The following ADGRL2 variants were observed in gnomAD, a reference collection of about 807,000 sequenced individuals.
ADGRL2 encodes the protein adhesion G protein-coupled receptor L2.
A neutral mutation model predicts 157.4 loss-of-function variants in ADGRL2; 44 were observed. That is an observed-to-expected ratio of 0.28 (90% CI 0.22 to 0.36). The LOEUF (loss-of-function observed/expected upper bound fraction) is 0.36. Ranked by LOEUF, ADGRL2 falls within the 10% of genes least tolerant of loss-of-function variation. The pLI is 1.00. For missense variants in ADGRL2, 1,510 were observed against 1,768.9 expected (o/e 0.85, Z 2.63); for synonymous variants, 585 against 624.7 (o/e 0.94, Z 0.95).
At chr1:81,846,149 T>A (rs1242560735) in intron 2 of ADGRL2, among the ~76,000 whole-genome samples, 1 of 151,724 alleles carries the variant, frequency 6.6e-6, no homozygotes, top group Non-Finnish European at 1.5e-5. Flanking sequence ...ACACAGTAGT[T>A]GAAGTTTGGA....
chr1:81,948,859 G>A (rs991232642), intron 6 of ADGRL2, among the ~76,000 whole-genome samples: 1 of 152,126 alleles, frequency 6.6e-6, no homozygotes, highest in African/African-American at 2.4e-5. Flanking sequence ...AACGTGTATA[G>A]TGTACTTACT....
At chr1:81,531,604 G>T (rs114536825) in intron 2 of ADGRL2, among the ~76,000 whole-genome samples, 3,013 of 152,194 alleles carry the variant, frequency 0.02, 96 homozygotes, top group African/African-American at 0.069. Flanking sequence ...GGGAACCCAC[G>T]TCTTAATGAG....
At chr1:81,821,698 C>A (rs1319851657) in intron 1 of ADGRL2, among the ~76,000 whole-genome samples, 1 of 152,096 alleles carries the variant, frequency 6.6e-6, no homozygotes, top group African/African-American at 2.4e-5. Context: ...AATGCCGGAA[C>A]AATTTCTTAT....
intron 2 of ADGRL2, among the ~76,000 whole-genome samples, chr1:81,880,886 A>G (rs2093970278): frequency 6.6e-6 from 1 of 151,754 alleles, no homozygotes; most frequent in South Asian, 2.1e-4. Context: ...GCCTCTATCA[A>G]TATCTTTTTG....
intron 1 of ADGRL2, among the ~76,000 whole-genome samples, chr1:81,442,412 A>T (rs2077524235): frequency 6.6e-6 from 1 of 152,238 alleles, no homozygotes; most frequent in African/African-American, 2.4e-5. Context: ...TTTACTTGAA[A>T]CATTAAAATT....
At chr1:81,417,908 C>T (rs1418598834) in intron 1 of ADGRL2, among the ~76,000 whole-genome samples, 1 of 152,166 alleles carries the variant, frequency 6.6e-6, no homozygotes, top group African/African-American at 2.4e-5. Flanking sequence ...TCAAATGTGG[C>T]ACCCATGCAT....
At chr1:81,371,425 T>C (rs1007183760) in intron 1 of ADGRL2, among the ~76,000 whole-genome samples, 4 of 152,218 alleles carry the variant, frequency 2.6e-5, no homozygotes, top group African/African-American at 9.6e-5. Context: ...GTTTGTAGAA[T>C]GACATCTGGG....
At chr1:81,322,087 CATATATATAT>C (rs148181887) in intron 1 of ADGRL2, among the ~76,000 whole-genome samples, 1 of 112,466 alleles carries the variant, frequency 8.9e-6, no homozygotes, top group African/African-American at 3.3e-5. Flanking sequence ...AGGACTAATT[CATATATATAT>C]ATATATATAT....
At chr1:81,319,819 G>T (rs952662035) in intron 1 of ADGRL2, among the ~76,000 whole-genome samples, 1 of 152,180 alleles carries the variant, frequency 6.6e-6, no homozygotes, top group African/African-American at 2.4e-5. Flanking sequence ...CTGGTGCAGG[G>T]TCTTGCCTCG....
At chr1:81,959,383 T>C (rs1654601923) in intron 11 of ADGRL2, among the ~76,000 whole-genome samples, 1 of 152,242 alleles carries the variant, frequency 6.6e-6, no homozygotes, top group Non-Finnish European at 1.5e-5. Context: ...CTAAAGATTC[T>C]TTTTATATTA....
rs1002486036 is a variant in ADGRL2 at position 81,705,696 on chromosome 1, C to T, written c.-143+5888C>T. Among the ~76,000 whole-genome samples, 8 of 151,994 alleles carry T rather than the reference C, an allele frequency of 5.3e-5. No individual in the cohort carries two copies. In the East Asian group the frequency reaches 1.2e-3, roughly 23 times the overall value. ...CTTTGGGAGGCTGCAATGGGAGGAT[C>T]GCTTGAGGCCAGGAGTTTGAGACTG... On this transcript the variant is annotated intron_variant, in intron 1 of 20. Coordinates refer to the ADGRL2 transcript ENST00000359929.
At chr1:81,573,511 T>A (rs2080736906) in intron 2 of ADGRL2, among the ~76,000 whole-genome samples, 1 of 152,158 alleles carries the variant, frequency 6.6e-6, no homozygotes. Flanking sequence ...ATCCCAGCAA[T>A]ACTATTGCAA....
chr1:81,905,324 CT>C (rs1179942187), intron 2 of ADGRL2, among the ~76,000 whole-genome samples: 3 of 152,046 alleles, frequency 2.0e-5, no homozygotes, highest in African/African-American at 7.2e-5. Flanking sequence ...CCTGAATCCC[CT>C]GACGTCAGGT....
At chr1:81,961,934 T>C (rs962777832) in intron 11 of ADGRL2, among the ~76,000 whole-genome samples, 1 of 152,224 alleles carries the variant, frequency 6.6e-6, no homozygotes, top group Non-Finnish European at 1.5e-5. Flanking sequence ...GACATTTTAG[T>C]GGCTTCTGCT....
chr1:81,956,735 A>G (rs1031578107), intron 11 of ADGRL2, among the ~76,000 whole-genome samples: 5 of 152,232 alleles, frequency 3.3e-5, no homozygotes, highest in Non-Finnish European at 7.3e-5. Flanking sequence ...GGTTGAATTC[A>G]GATGAAGTTA....
At chr1:81,812,879 CTT>C (rs1448169965) in intron 1 of ADGRL2, among the ~76,000 whole-genome samples, 2 of 151,684 alleles carry the variant, frequency 1.3e-5, no homozygotes, top group Non-Finnish European at 3.0e-5. Flanking sequence ...TGCTGACTAA[CTT>C]GGGAAAAAAA....
intron 3 of ADGRL2, among the ~76,000 whole-genome samples, chr1:81,659,371 T>C (rs2082605504): frequency 6.6e-6 from 1 of 152,112 alleles, no homozygotes; most frequent in African/African-American, 2.4e-5. Flanking sequence ...CCTAGTTACA[T>C]TTTTGAGGAA....
rs148666616 is a variant in ADGRL2, at chr1:81,933,358, A to G, written c.288-3370A>G. 5.9e-5 allele frequency among the ~76,000 whole-genome samples: 9 copies of G among 152,318 alleles called. No individual in the cohort carries two copies. The South Asian group carries it at 1.9e-3, about 32-fold the overall frequency. On this transcript the variant is annotated intron_variant, in intron 3 of 23. Coordinates refer to ENST00000686636, the MANE Select transcript of ADGRL2 (RefSeq NM_001366006.2). ...CACATGGTATTACCAAAATATACTG[A>G]TAGTTTGATTGTTAAAACAATGATA... is the stretch of plus-strand genomic sequence containing the variant.
At chr1:81,482,232 G>A (rs564506513) in intron 2 of ADGRL2, among the ~76,000 whole-genome samples, 1 of 152,278 alleles carries the variant, frequency 6.6e-6, no homozygotes, top group South Asian at 2.1e-4. Context: ...ACAAAATATA[G>A]TTTGCGGCCA....
Sources: gnomAD v4.1 joint callset for allele counts (sites outside exome capture counted in the v4.1 genomes callset) on GRCh38, gnomAD v4.1.1 for gene constraint, MANE v1.5 for transcripts, NCBI Gene and HGNC (gene_info 2026-07-23, HGNC 2026-07-21) for gene names.